Variants in GBF1 observed in about 807,000 individuals in gnomAD.
The protein encoded by GBF1 is golgi brefeldin A resistant guanine nucleotide exchange factor 1.
In GBF1, 114 loss-of-function variants were observed where a neutral mutation model predicts 210.5. The ratio of observed to expected loss-of-function variants is 0.54; its 90% confidence interval spans 0.47 to 0.63. The LOEUF is 0.63. GBF1 is among the 30% of genes least tolerant of loss of function. The probability of loss-of-function intolerance (pLI) is 0.00; values close to 1 mark genes in which losing one functional copy is unlikely to be tolerated. For missense variants in GBF1, 1,851 were observed against 2,357.7 expected, an observed-to-expected ratio of 0.79 and a Z score of 4.45; for synonymous variants, 850 against 889.2, an observed-to-expected ratio of 0.96 and a Z score of 0.78.
chr10:102,246,959 A>G (rs192124429), intron 1 of GBF1, among the ~76,000 whole-genome samples: 1 of 152,352 alleles, frequency 6.6e-6, no homozygotes, highest in East Asian at 1.9e-4. Flanking sequence ...GCCTAGCTAG[A>G]GCATGTAGTA....
At chr10:102,290,485 T>C (rs1464947313) in intron 3 of GBF1, among the ~76,000 whole-genome samples, 1 of 152,052 alleles carries the variant, frequency 6.6e-6, no homozygotes, top group Non-Finnish European at 1.5e-5. Context: ...TCTTTTTCTT[T>C]TTTATATTTT....
rs1022885194 is a variant in GBF1 at position 102,250,682 on chromosome 10, C to T, written c.-11+4901C>T. On this transcript the variant is annotated intron_variant, in intron 1 of 39. Transcript: ENST00000369983. Reference sequence around the variant, plus strand: ...GTTTAAAAGTGATTAAGAGGCCGGGCGTGGTAGCTCATGCCTGTAATGCCA... The same window carrying T: ...GTTTAAAAGTGATTAAGAGGCCGGGTGTGGTAGCTCATGCCTGTAATGCCA... Among the ~76,000 whole-genome samples the T allele has an allele frequency of 5.3e-5, 8 of 152,158 alleles. No homozygotes were observed. In the East Asian group the frequency reaches 7.7e-4, roughly 15 times the overall value.
intron 3 of GBF1, among the ~76,000 whole-genome samples, chr10:102,302,654 T>A (rs1334945253): frequency 6.6e-6 from 1 of 152,218 alleles, no homozygotes; most frequent in Non-Finnish European, 1.5e-5. Flanking sequence ...GTAGTCATTG[T>A]CAATTTTTAC....
At chr10:102,352,432 T>C (rs1199300746) in intron 6 of GBF1, 26 bp from the exon 7 acceptor site, 15 of 1,510,738 alleles carry the variant, frequency 9.9e-6, no homozygotes, top group Admixed American at 3.3e-5. Flanking sequence ...TAATGACACC[T>C]GTGTTATTTG....
Position 102,375,341 on chromosome 10 carries a change from G to A in GBF1, c.3661-18G>A, listed in dbSNP as rs370710912. ...ACAGCTCCCCGCTTCCCCGCTCCCT[G>A]CCCTAACCCCACTCCAGGTGCTGCT... On this transcript the variant is annotated intron_variant, in intron 29 of 39. Transcript: ENST00000369983. 6.7e-7 allele frequency: 1 copy of A among 1,496,484 alleles called. No homozygotes were observed. Among genetic ancestry groups the A allele is most frequent in the Non-Finnish European group, 9.3e-7 (1 of 1,073,036 alleles). 92.7% of individuals were successfully genotyped at this position (1,496,484 alleles called of 1,614,324 possible).
At chr10:102,364,776 G>A (rs1486265162) in intron 17 of GBF1, among the ~76,000 whole-genome samples, 1 of 151,856 alleles carries the variant, frequency 6.6e-6, no homozygotes, top group African/African-American at 2.4e-5. Flanking sequence ...TTGAACCTGG[G>A]AGGCAGAGGT....
At chr10:102,243,351 G>A (rs904739622), upstream of GBF1, among the ~76,000 whole-genome samples, 1 of 152,192 alleles carries the variant, frequency 6.6e-6, no homozygotes, top group African/African-American at 2.4e-5. Flanking sequence ...TAAGGACCAT[G>A]TCTGTTATTC....
chr10:102,371,884 G>A (rs867009251), intron 29 of GBF1, among the ~76,000 whole-genome samples: 8 of 149,842 alleles, frequency 5.3e-5, no homozygotes, highest in Non-Finnish European at 8.9e-5. Flanking sequence ...CTGAGATCGC[G>A]CCACTGCACT....
At chr10:102,261,978 G>A (rs1483535866) in intron 3 of GBF1, among the ~76,000 whole-genome samples, 1 of 152,032 alleles carries the variant, frequency 6.6e-6, no homozygotes, top group Non-Finnish European at 1.5e-5. Context: ...TCTGCTTCTT[G>A]GGTTCAAGCA....
intron 3 of GBF1, among the ~76,000 whole-genome samples, chr10:102,332,760 A>AT (rs1286529019): frequency 6.6e-6 from 1 of 152,116 alleles, no homozygotes; most frequent in African/African-American, 2.4e-5. Context: ...ATGGATCCTG[A>AT]TTTTTACCTT....
intron 3 of GBF1, among the ~76,000 whole-genome samples, chr10:102,265,995 TG>T (rs2073827590): frequency 6.6e-6 from 1 of 152,094 alleles, no homozygotes. Context: ...CCCAGCACTT[TG>T]GGAGGCCGAG....
chr10:102,364,970 A>T (rs376255024), intron 17 of GBF1, among the ~76,000 whole-genome samples: 30 of 152,340 alleles, frequency 2.0e-4, no homozygotes, highest in Admixed American at 4.6e-4. Flanking sequence ...AGTTGCCTCC[A>T]CAGTTAGTCC....
intron 1 of GBF1, among the ~76,000 whole-genome samples, chr10:102,248,470 A>G (rs1364506843): frequency 1.3e-5 from 2 of 152,152 alleles, no homozygotes; most frequent in Non-Finnish European, 2.9e-5. Flanking sequence ...TATGATGGCA[A>G]AGTAATGGTT....
chr10:102,265,247 T>G (rs2073735572), intron 3 of GBF1, among the ~76,000 whole-genome samples: 1 of 152,240 alleles, frequency 6.6e-6, no homozygotes, highest in Admixed American at 6.5e-5. Flanking sequence ...TAGTCAGTTG[T>G]GAGTTGTGGT....
intron 3 of GBF1, among the ~76,000 whole-genome samples, chr10:102,342,712 G>A (rs1280472186): frequency 6.6e-6 from 1 of 152,038 alleles, no homozygotes; most frequent in Admixed American, 6.6e-5. Context: ...GTCTCTAAAG[G>A]TGGGGCAGCC....
rs376976170 is a variant in GBF1, at chr10:102,337,270, C to T, written c.164-6781C>T. ...GTGGGCGCCTGTAGTCCCAGGTACTCGGGGGGCTGAGGTGGAAGAATGGTG... is the reference window on the plus strand; with the variant it reads ...GTGGGCGCCTGTAGTCCCAGGTACTTGGGGGGCTGAGGTGGAAGAATGGTG... On this transcript the variant is annotated intron_variant, in intron 3 of 39. Coordinates refer to ENST00000369983, the MANE Select transcript of GBF1 (RefSeq NM_001377137.1). Among the ~76,000 whole-genome samples the T allele has an allele frequency of 2.7e-4, 24 of 88,832 alleles. No homozygotes were observed. In the East Asian group the frequency reaches 2.8e-3, roughly 10 times the overall value. 58.3% of individuals were successfully genotyped at this position (88,832 alleles called of 152,430 possible).
At chr10:102,257,055 C>T (rs1028943184) in intron 1 of GBF1, among the ~76,000 whole-genome samples, 2 of 152,140 alleles carry the variant, frequency 1.3e-5, no homozygotes, top group East Asian at 1.9e-4. Flanking sequence ...CCCCAAAAGA[C>T]AAAACGATTA....
chr10:102,283,504 A>G (rs2133497657), intron 3 of GBF1, among the ~76,000 whole-genome samples: 1 of 152,322 alleles, frequency 6.6e-6, no homozygotes, highest in East Asian at 1.9e-4. Context: ...ATAAACCACC[A>G]ATTATAGGAG....
intron 3 of GBF1, among the ~76,000 whole-genome samples, chr10:102,266,764 G>A (rs1413923599): frequency 1.3e-5 from 2 of 152,238 alleles, no homozygotes; most frequent in Non-Finnish European, 2.9e-5. Context: ...GTTGCATAGC[G>A]TAATTCTGGG....
Sources: allele counts gnomAD v4.1 joint callset (sites outside exome capture counted in the v4.1 genomes callset), GRCh38; gene constraint gnomAD v4.1.1; transcripts MANE v1.5; gene names NCBI Gene and HGNC (gene_info 2026-07-23, HGNC 2026-07-21).